Variants in DLG2 observed in about 807,000 individuals in gnomAD.
The protein encoded by DLG2 is disks large homolog 2.
In DLG2, 45 loss-of-function variants were observed where a neutral mutation model predicts 132.5. That is an observed-to-expected ratio of 0.34 (90% CI 0.27 to 0.44). The LOEUF is 0.44. Ranked by LOEUF, DLG2 falls within the 20% of genes least tolerant of loss-of-function variation. The probability of loss-of-function intolerance (pLI) is 1.00; values close to 1 mark genes in which losing one functional copy is unlikely to be tolerated. For synonymous variants in DLG2, 424 were observed against 419.6 expected, an observed-to-expected ratio of 1.01 and a Z score of -0.13; for missense variants, 1,045 against 1,196.9, an observed-to-expected ratio of 0.87 and a Z score of 1.87.
At chr11:85,502,799 C>A (rs550594243) in intron 3 of DLG2, among the ~76,000 whole-genome samples, 1 of 152,010 alleles carries the variant, frequency 6.6e-6, no homozygotes, top group Non-Finnish European at 1.5e-5. Flanking sequence ...CACATGTATT[C>A]CAGAAGTTAA....
intron 18 of DLG2, among the ~76,000 whole-genome samples, chr11:83,782,948 G>C (rs1455923277): frequency 6.6e-6 from 1 of 152,054 alleles, no homozygotes; most frequent in Non-Finnish European, 1.5e-5. Context: ...TCACTAACTG[G>C]GTATAGGTAA....
chr11:84,323,720 C>CTTTTTTTTTT (rs35283044), intron 7 of DLG2, among the ~76,000 whole-genome samples: 1 of 123,788 alleles, frequency 8.1e-6, no homozygotes, highest in Non-Finnish European at 1.7e-5. Context: ...TTCTTTTTTC[C>CTTTTTTTTTT]TTTTTTTTTT....
chr11:84,832,777 A>C (rs2079204089), intron 6 of DLG2, among the ~76,000 whole-genome samples: 1 of 151,570 alleles, frequency 6.6e-6, no homozygotes, highest in African/African-American at 2.4e-5. Context: ...TTAAGCTTAC[A>C]AAACTGCTGA....
intron 9 of DLG2, among the ~76,000 whole-genome samples, chr11:84,133,141 AG>A (rs1350755866): frequency 6.6e-6 from 1 of 152,072 alleles, no homozygotes; most frequent in African/African-American, 2.4e-5. Flanking sequence ...GGAACTTTGA[AG>A]GAATACTTTT....
intron 19 of DLG2, among the ~76,000 whole-genome samples, chr11:83,568,871 C>T (rs921787747): frequency 2.0e-5 from 3 of 151,932 alleles, no homozygotes; most frequent in Non-Finnish European, 4.4e-5. Flanking sequence ...TATTTCTTGT[C>T]TGTTGACCTA....
At chr11:85,013,875 A>AT (rs2059354099) in intron 6 of DLG2, among the ~76,000 whole-genome samples, 1 of 152,154 alleles carries the variant, frequency 6.6e-6, no homozygotes, top group African/African-American at 2.4e-5. Context: ...TTTAAGGTGC[A>AT]TGCTATTATG....
chr11:84,019,853 T>A (rs1275820798), intron 11 of DLG2, among the ~76,000 whole-genome samples: 1 of 152,140 alleles, frequency 6.6e-6, no homozygotes, highest in Non-Finnish European at 1.5e-5. Flanking sequence ...GGAAACAACC[T>A]TGCTAATATC....
At chr11:83,779,070 C>T (rs995885266) in intron 18 of DLG2, among the ~76,000 whole-genome samples, 4 of 151,712 alleles carry the variant, frequency 2.6e-5, no homozygotes, top group African/African-American at 9.7e-5. Flanking sequence ...AGTTTCTTTC[C>T]TAATATTTCA....
At chr11:84,267,211 T>C (rs2097650428) in intron 7 of DLG2, among the ~76,000 whole-genome samples, 1 of 136,154 alleles carries the variant, frequency 7.3e-6, no homozygotes, top group African/African-American at 2.6e-5. Context: ...GTTGGTATTG[T>C]GATGATTGCG....
chr11:84,038,960 T>G (rs1330322016), intron 11 of DLG2, among the ~76,000 whole-genome samples: 1 of 152,058 alleles, frequency 6.6e-6, no homozygotes, highest in East Asian at 1.9e-4. Context: ...CCCTCATGAT[T>G]CAATTACCTC....
At chr11:84,622,530 T>C (rs1389504101) in intron 6 of DLG2, among the ~76,000 whole-genome samples, 3 of 152,202 alleles carry the variant, frequency 2.0e-5, no homozygotes, top group African/African-American at 4.8e-5. Flanking sequence ...GTATCAACTT[T>C]AGCACACACT....
intron 3 of DLG2, among the ~76,000 whole-genome samples, chr11:85,425,436 T>G (rs1331304205): frequency 1.3e-5 from 2 of 152,088 alleles, no homozygotes; most frequent in Admixed American, 6.6e-5. Flanking sequence ...ATATTGTAAA[T>G]AGTAAATATT....
intron 6 of DLG2, among the ~76,000 whole-genome samples, chr11:84,563,896 G>A (rs1188718359): frequency 6.6e-6 from 1 of 152,186 alleles, no homozygotes; most frequent in Middle Eastern, 3.4e-3. Flanking sequence ...TCTCTTTTGT[G>A]CTGTGGAGAC....
intron 19 of DLG2, among the ~76,000 whole-genome samples, chr11:83,558,849 G>A (rs1593168441): frequency 2.6e-5 from 1 of 38,794 alleles, no homozygotes; most frequent in East Asian, 7.2e-4. Flanking sequence ...GCTAGATGTC[G>A]TGTGTGTGTG....
chr11:84,980,917 T>G (rs1441764762), intron 6 of DLG2, among the ~76,000 whole-genome samples: 4 of 152,198 alleles, frequency 2.6e-5, no homozygotes, highest in African/African-American at 9.7e-5. Context: ...CCTGTTGAGC[T>G]TTCCCAGAGC....
chr11:84,554,834 T>C (rs1415547412), intron 6 of DLG2, among the ~76,000 whole-genome samples: 2 of 152,170 alleles, frequency 1.3e-5, no homozygotes, highest in African/African-American at 4.8e-5. Flanking sequence ...CATTAGAGAA[T>C]GTCAAGGATG....
At chr11:85,391,582 A>T (rs2086801732) in intron 3 of DLG2, among the ~76,000 whole-genome samples, 1 of 152,160 alleles carries the variant, frequency 6.6e-6, no homozygotes, top group Non-Finnish European at 1.5e-5. Flanking sequence ...GAAAAAGATC[A>T]TCCACCATGA....
intron 6 of DLG2, among the ~76,000 whole-genome samples, chr11:84,952,957 A>G (rs979582522): frequency 1.3e-5 from 2 of 152,212 alleles, no homozygotes; most frequent in Non-Finnish European, 2.9e-5. Flanking sequence ...CCAGTTTCTC[A>G]AAGTGCTTTC....
intron 9 of DLG2, among the ~76,000 whole-genome samples, chr11:84,132,487 A>G (rs1452719407): frequency 2.0e-5 from 3 of 152,006 alleles, no homozygotes; most frequent in Non-Finnish European, 4.4e-5. Context: ...TAAAGAAATG[A>G]GCACAAAGAT....
Sources: allele counts gnomAD v4.1 joint callset (sites outside exome capture counted in the v4.1 genomes callset), GRCh38; gene constraint gnomAD v4.1.1; transcripts MANE v1.5; gene names NCBI Gene and HGNC (gene_info 2026-07-23, HGNC 2026-07-21).